The following MACROD2 variants were observed in gnomAD, a reference collection of about 807,000 sequenced individuals.
MACROD2 encodes the protein ADP-ribose glycohydrolase MACROD2.
MACROD2 carries 36 observed loss-of-function variants against 70.4 expected under a neutral mutation model. The ratio of observed to expected loss-of-function variants is 0.51; its 90% CI spans 0.39 to 0.68. The LOEUF (loss-of-function observed/expected upper bound fraction) is 0.68, where lower values mean the gene tolerates loss of function less well. Ranked by LOEUF, MACROD2 falls within the 30% of genes least tolerant of loss-of-function variation. MACROD2 has a pLI of 0.00. For missense variants in MACROD2, 496 were observed against 538.4 expected, an observed-to-expected ratio of 0.92 and a Z score of 0.78; for synonymous variants, 172 against 178.8, an observed-to-expected ratio of 0.96 and a Z score of 0.30.
intron 5 of MACROD2, among the ~76,000 whole-genome samples, chr20:14,910,551 G>A (rs1308128556): frequency 1.3e-5 from 2 of 152,214 alleles, no homozygotes; most frequent in East Asian, 1.9e-4. Flanking sequence ...AGAAGGGGCT[G>A]CTGGTTAGAA....
At chr20:14,962,580 C>T (rs777309442) in intron 5 of MACROD2, among the ~76,000 whole-genome samples, 5 of 150,704 alleles carry the variant, frequency 3.3e-5, no homozygotes, top group East Asian at 1.9e-4. Flanking sequence ...TGAAAAGTTA[C>T]GCTATAACAA....
At chr20:14,545,057 A>T (rs2085476565) in intron 4 of MACROD2, among the ~76,000 whole-genome samples, 1 of 152,152 alleles carries the variant, frequency 6.6e-6, no homozygotes, top group East Asian at 1.9e-4. Flanking sequence ...TGACGATGAG[A>T]CCACTTGATG....
chr20:14,969,765 G>C (rs1802100457), intron 5 of MACROD2, among the ~76,000 whole-genome samples: 1 of 152,038 alleles, frequency 6.6e-6, no homozygotes. Flanking sequence ...GATTCAGCTG[G>C]ATAAGGATCA....
At chr20:14,728,428 T>G (rs1162138694) in intron 5 of MACROD2, among the ~76,000 whole-genome samples, 1 of 152,214 alleles carries the variant, frequency 6.6e-6, no homozygotes, top group East Asian at 1.9e-4. Flanking sequence ...ATATGCAATT[T>G]TATATAGCAT....
chr20:15,228,872 CTCTTAT>C (rs1389866312), intron 5 of MACROD2, among the ~76,000 whole-genome samples: 1 of 152,076 alleles, frequency 6.6e-6, no homozygotes, highest in Non-Finnish European at 1.5e-5. Context: ...TTTTTGTATA[CTCTTAT>C]TCTTCTGTCA....
At chr20:15,717,951 T>C (rs998382314) in intron 8 of MACROD2, among the ~76,000 whole-genome samples, 2 of 152,142 alleles carry the variant, frequency 1.3e-5, no homozygotes, top group African/African-American at 2.4e-5. Flanking sequence ...TGGAAGGTTT[T>C]TGATATTGTG....
chr20:15,932,249 T>G lies in MACROD2; in HGVS notation c.776-1027T>G, dbSNP rs6135611. 3.1e-3 allele frequency among the ~76,000 whole-genome samples: 469 copies of G among 152,232 alleles called. 16 individuals are homozygous for G. In the East Asian group the frequency reaches 0.081, roughly 26 times the overall value. ...TCTCCCTCCATTTGGCAGGCCAGCTTCAACTTCTTTACAGCATGGGGATTG... is the reference window on the plus strand; with the variant it reads ...TCTCCCTCCATTTGGCAGGCCAGCTGCAACTTCTTTACAGCATGGGGATTG... On this transcript the variant is annotated intron_variant, in intron 10 of 17. Coordinates refer to ENST00000684519, the MANE Select transcript of MACROD2 (RefSeq NM_001351661.2).
At chr20:15,618,225 A>G (rs2049068679) in intron 8 of MACROD2, among the ~76,000 whole-genome samples, 1 of 149,014 alleles carries the variant, frequency 6.7e-6, no homozygotes, top group Non-Finnish European at 1.5e-5. Flanking sequence ...CAGAAAATCT[A>G]TTTCGAGGAC....
intron 5 of MACROD2, among the ~76,000 whole-genome samples, chr20:15,111,635 G>T (rs1406006872): frequency 6.6e-6 from 1 of 152,216 alleles, no homozygotes; most frequent in Admixed American, 6.5e-5. Context: ...TTCCAGGCCT[G>T]AAGGGAAGAC....
intron 8 of MACROD2, among the ~76,000 whole-genome samples, chr20:15,657,727 T>C (rs1164751754): frequency 6.6e-6 from 1 of 152,184 alleles, no homozygotes. Flanking sequence ...GCGTGGTGGC[T>C]CACGCCTGTA....
intron 4 of MACROD2, 97 bp from the exon 5 acceptor site, chr20:14,684,746 A>G: frequency 1.0e-6 from 1 of 956,024 alleles, no homozygotes. Flanking sequence ...GGTTATTTAC[A>G]GGAAGAACAA....
At chr20:15,844,668 A>G (rs1175747049) in intron 8 of MACROD2, among the ~76,000 whole-genome samples, 1 of 152,180 alleles carries the variant, frequency 6.6e-6, no homozygotes, top group Non-Finnish European at 1.5e-5. Flanking sequence ...CTGGAAAACA[A>G]GACAATTTCT....
At chr20:14,822,859 A>G (rs1401757275) in intron 5 of MACROD2, among the ~76,000 whole-genome samples, 1 of 152,054 alleles carries the variant, frequency 6.6e-6, no homozygotes, top group Non-Finnish European at 1.5e-5. Flanking sequence ...TTAATTCCAC[A>G]TTGGATTTCA....
chr20:15,416,953 A>G (rs764001524), intron 6 of MACROD2, among the ~76,000 whole-genome samples: 1 of 152,098 alleles, frequency 6.6e-6, no homozygotes, highest in Non-Finnish European at 1.5e-5. Context: ...CTCTTCATTT[A>G]TGTAATGATT....
At chr20:15,116,033 T>C (rs2075989464) in intron 5 of MACROD2, among the ~76,000 whole-genome samples, 1 of 152,202 alleles carries the variant, frequency 6.6e-6, no homozygotes, top group Non-Finnish European at 1.5e-5. Flanking sequence ...AGAAGTACAA[T>C]TCCACTGTTA....
intron 4 of MACROD2, among the ~76,000 whole-genome samples, chr20:14,680,872 A>G (rs2070923800): frequency 6.6e-6 from 1 of 152,204 alleles, no homozygotes; most frequent in African/African-American, 2.4e-5. Flanking sequence ...AACCAAATGG[A>G]AATTTCAAGA....
chr20:14,891,916 T>A (rs1473781810), intron 5 of MACROD2, among the ~76,000 whole-genome samples: 2 of 152,160 alleles, frequency 1.3e-5, no homozygotes, highest in African/African-American at 2.4e-5. Context: ...CTCCCCTCTC[T>A]CCTCATCAAT....
At chr20:15,408,825 G>A (rs904697485) in intron 6 of MACROD2, among the ~76,000 whole-genome samples, 2 of 152,158 alleles carry the variant, frequency 1.3e-5, no homozygotes, top group Non-Finnish European at 2.9e-5. Flanking sequence ...AGGAAATCTG[G>A]AGGGAATCTT....
chr20:15,134,250 A>G (rs922928049), intron 5 of MACROD2, among the ~76,000 whole-genome samples: 1 of 143,794 alleles, frequency 7.0e-6, no homozygotes, highest in African/African-American at 2.5e-5. Context: ...CGAGCCGGGC[A>G]GGGTGGCTCA....
Sources: gnomAD v4.1 joint callset for allele counts (sites outside exome capture counted in the v4.1 genomes callset) on GRCh38, gnomAD v4.1.1 for gene constraint, MANE v1.5 for transcripts, NCBI Gene and HGNC (gene_info 2026-07-23, HGNC 2026-07-21) for gene names.